Variants in LDLRAD4 observed in about 807,000 individuals in gnomAD.
The protein encoded by LDLRAD4 is low-density lipoprotein receptor class A domain-containing protein 4.
In LDLRAD4, 5 loss-of-function variants were observed where a neutral mutation model predicts 17.0. The ratio of observed to expected loss-of-function variants is 0.29; its 90% CI spans 0.15 to 0.62. The LOEUF (loss-of-function observed/expected upper bound fraction) is 0.62, where lower values mean the gene tolerates loss of function less well. LDLRAD4 is among the 20% of genes least tolerant of loss of function. The probability of loss-of-function intolerance (pLI) is 0.84; values close to 1 mark genes in which losing one functional copy is unlikely to be tolerated. For synonymous variants in LDLRAD4, 168 were observed against 171.8 expected (o/e 0.98, Z 0.17); for missense variants, 340 against 424.7 (o/e 0.80, Z 1.75).
At chr18:13,649,992 A>G (rs2043177361) in exon 6 of LDLRAD4, 1 of 398,204 alleles carries the variant, frequency 2.5e-6, no homozygotes, top group Non-Finnish European at 4.4e-6. Context: ...CACAAATTTA[A>G]AAATGTTGCT....
intron 3 of LDLRAD4, among the ~76,000 whole-genome samples, chr18:13,565,600 G>A (rs759523308): frequency 3.9e-5 from 6 of 152,252 alleles, no homozygotes; most frequent in African/African-American, 7.2e-5. Context: ...CAGCTGTACT[G>A]AAATGCCCAT....
chr18:13,277,201 C>G (rs960806747), upstream of LDLRAD4, among the ~76,000 whole-genome samples: 10 of 152,140 alleles, frequency 6.6e-5, no homozygotes, highest in Admixed American at 1.3e-4. Flanking sequence ...ATGGCAGGAG[C>G]ACGCTTTGGG....
chr18:13,640,210 G>C (rs147197881), intron 4 of LDLRAD4, among the ~76,000 whole-genome samples: 2,231 of 144,982 alleles, frequency 0.015, 47 homozygotes, highest in African/African-American at 0.055. Flanking sequence ...GGAGAATGGC[G>C]TGAACCCGGG....
intron 3 of LDLRAD4, among the ~76,000 whole-genome samples, chr18:13,450,028 A>T (rs147134848): frequency 6.6e-6 from 1 of 152,310 alleles, no homozygotes; most frequent in Non-Finnish European, 1.5e-5. Flanking sequence ...CATTACCGAG[A>T]GAGTTCGCTC....
chr18:13,611,401 C>T (rs912823269), intron 3 of LDLRAD4: 36 of 958,722 alleles, frequency 3.8e-5, no homozygotes, highest in East Asian at 3.4e-4. Context: ...CTTTCCACCA[C>T]GGCCACCCCG....
chr18:13,579,351 C>T (rs957049793), intron 3 of LDLRAD4, among the ~76,000 whole-genome samples: 6 of 152,138 alleles, frequency 3.9e-5, no homozygotes, highest in African/African-American at 1.4e-4. Flanking sequence ...AGTTGTCAGT[C>T]TCTGATTTTT....
chr18:13,344,398 C>T (rs1232476708), intron 1 of LDLRAD4, among the ~76,000 whole-genome samples: 12 of 152,130 alleles, frequency 7.9e-5, no homozygotes, highest in South Asian at 2.1e-4. Context: ...GTTGTAGATG[C>T]GTGGCATTAT....
chr18:13,438,150 A>C, intron 2 of LDLRAD4, 94 bp from the exon 4 acceptor site: 1 of 1,133,668 alleles, frequency 8.8e-7, no homozygotes, highest in South Asian at 1.4e-5. Context: ...CAATCATGGC[A>C]TGCAAATGGG....
At chr18:13,505,270 T>C (rs1247552038) in intron 3 of LDLRAD4, among the ~76,000 whole-genome samples, 1 of 152,218 alleles carries the variant, frequency 6.6e-6, no homozygotes, top group Non-Finnish European at 1.5e-5. Flanking sequence ...TGTACTTGGA[T>C]GCTGGAGATG....
At chr18:13,252,193 C>T (rs769754677) in intron 1 of LDLRAD4, among the ~76,000 whole-genome samples, 25 of 152,242 alleles carry the variant, frequency 1.6e-4, no homozygotes, top group East Asian at 5.8e-4. Flanking sequence ...GGTGCAATCT[C>T]GGCTCACTGC....
At chr18:13,395,301 A>C (rs1229710635) in intron 2 of LDLRAD4, among the ~76,000 whole-genome samples, 1 of 150,218 alleles carries the variant, frequency 6.7e-6, no homozygotes, top group Non-Finnish European at 1.5e-5. Context: ...ACTATACAGA[A>C]AGGCCTCATA....
In LDLRAD4 at chr18:13,406,218, G is replaced by A. The variant is rs376365882; in HGVS notation, c.40+18456G>A. Among the ~76,000 whole-genome samples the A allele has an allele frequency of 1.5e-4, 23 of 152,276 alleles. No individual in the cohort carries two copies. The East Asian group carries it at 3.3e-3, about 22-fold the overall frequency. On this transcript the variant is annotated intron_variant, in intron 2 of 5. Coordinates refer to ENST00000359446, the Ensembl canonical transcript of LDLRAD4. ...CCTACTGGTCCTCTCGGCTGATGAC[G>A]GATGGTGAAATTGCAGCCCCCAAGT...
At chr18:13,603,539 C>G (rs1302105630) in intron 3 of LDLRAD4, among the ~76,000 whole-genome samples, 1 of 152,224 alleles carries the variant, frequency 6.6e-6, no homozygotes, top group Non-Finnish European at 1.5e-5. Flanking sequence ...CCTCTATTCT[C>G]TCACCTGTGA....
At chr18:13,518,666 T>G (rs928006195) in intron 3 of LDLRAD4, among the ~76,000 whole-genome samples, 1 of 152,224 alleles carries the variant, frequency 6.6e-6, no homozygotes. Flanking sequence ...TGGCCTAGGT[T>G]GAAGGTGGGT....
intron 1 of LDLRAD4, among the ~76,000 whole-genome samples, chr18:13,262,120 AGCTCTGTGCGTGGAAACTGAGTCCCGTGC>A (rs2043867716): frequency 1.1e-4 from 4 of 37,238 alleles, no homozygotes; most frequent in Admixed American, 3.3e-4. Flanking sequence ...AGTCCCGTGC[AGCTCTGTGCGTGGAAACTGAGTCCCGTGC>A]GGCTCTGTGC....
intron 1 of LDLRAD4, among the ~76,000 whole-genome samples, chr18:13,345,321 C>T (rs1164461733): frequency 1.3e-5 from 2 of 152,164 alleles, no homozygotes; most frequent in African/African-American, 4.8e-5. Flanking sequence ...AAGGCCTTTT[C>T]TGCATCTATT....
chr18:13,305,092 G>T (rs1015150833), intron 1 of LDLRAD4, among the ~76,000 whole-genome samples: 2 of 151,604 alleles, frequency 1.3e-5, no homozygotes, highest in African/African-American at 2.4e-5. Flanking sequence ...TCGTAGCCTA[G>T]AAATATTGAA....
chr18:13,483,473 G>A (rs2093144813), intron 3 of LDLRAD4, among the ~76,000 whole-genome samples: 1 of 152,166 alleles, frequency 6.6e-6, no homozygotes, highest in Non-Finnish European at 1.5e-5. Context: ...GCAGCAGTGT[G>A]GCTGCCTGTC....
At chr18:13,401,706 C>G (rs1009432302) in intron 2 of LDLRAD4, among the ~76,000 whole-genome samples, 25 of 152,226 alleles carry the variant, frequency 1.6e-4, no homozygotes, top group African/African-American at 4.8e-4. Flanking sequence ...AGGCTGCAGC[C>G]ATTTGGGGTC....
Sources: allele counts gnomAD v4.1 joint callset (sites outside exome capture counted in the v4.1 genomes callset), GRCh38; gene constraint gnomAD v4.1.1; transcripts MANE v1.5; gene names NCBI Gene and HGNC (gene_info 2026-07-23, HGNC 2026-07-21).